Variants in CFAP44 observed in about 807,000 individuals in gnomAD.
CFAP44 encodes the protein cilia and flagella associated protein 44.
In CFAP44, 134 loss-of-function variants were observed where a neutral mutation model predicts 216.2. That is an observed-to-expected ratio of 0.62 (90% CI 0.54 to 0.72). The LOEUF (loss-of-function observed/expected upper bound fraction) is 0.72, where lower values mean the gene tolerates loss of function less well. CFAP44 is among the 30% of genes least tolerant of loss of function. The pLI is 0.00. For missense variants in CFAP44, 2,035 were observed against 2,182.1 expected (o/e 0.93, Z 1.34); for synonymous variants, 700 against 727.6 (o/e 0.96, Z 0.61).
intron 6 of CFAP44, among the ~76,000 whole-genome samples, chr3:113,414,186 T>C (rs1031341685): frequency 3.9e-5 from 6 of 152,198 alleles, no homozygotes; most frequent in Admixed American, 1.3e-4. Context: ...ATAGGAATGC[T>C]TGTGATTTTT....
At chr3:113,350,321 A>G (rs1490472989) in intron 22 of CFAP44, among the ~76,000 whole-genome samples, 1 of 151,852 alleles carries the variant, frequency 6.6e-6, no homozygotes, top group African/African-American at 2.4e-5. Context: ...AGAAAGTCAG[A>G]GAGAGAGAAA....
Position 113,305,116 on chromosome 3 carries a change from C to A in CFAP44, c.4795G>T (p.Glu1599Ter). The A allele has an allele frequency of 6.5e-7, 1 of 1,537,266 alleles. No homozygotes were observed. The highest frequency in any genetic ancestry group is 8.7e-7 in the Non-Finnish European group (1 of 1,146,910). Reference protein sequence around the residue: ...IVATNLNAAEEALEAYQREKQ... With the variant: ...IVATNLNAAE ...TCTCGCTGATAAGCCTCCAGGGCCT[C>A]CTCTGCTGCATTCAGATTAGTTGCC... is the stretch of plus-strand genomic sequence containing the variant. Residue 1599 changes from glutamate (E) to a stop codon, truncating the protein, a stop_gained, in exon 31 of 35, where the codon GAG becomes TAG. Coordinates refer to ENST00000393845, the MANE Select transcript of CFAP44 (RefSeq NM_001164496.2). LOFTEE classifies it high-confidence loss of function.
Position 113,401,246 on chromosome 3 carries a change from T to G in CFAP44, c.1368A>C (p.Ser456=). ...GAIWKLDLSF[S]NITQDPECLF... is the part of the protein sequence containing the mutation. ...AGAATAATAGGCAACTTACAATATT[T>G]GAAAAACTAAGGTCAAGCTTCCATA... The change falls in exon 11 of 35, where the codon TCA becomes TCC. Residue 456 remains serine, a synonymous_variant. Coordinates refer to ENST00000393845, the MANE Select transcript of CFAP44 (RefSeq NM_001164496.2). The G allele has an allele frequency of 6.3e-7, 1 of 1,586,258 alleles. No homozygotes were observed. Among genetic ancestry groups the G allele is most frequent in the Non-Finnish European group, 8.5e-7 (1 of 1,171,260 alleles).
intron 15 of CFAP44, among the ~76,000 whole-genome samples, chr3:113,385,388 T>C (rs1363914692): frequency 6.6e-6 from 1 of 152,162 alleles, no homozygotes; most frequent in Non-Finnish European, 1.5e-5. Flanking sequence ...CAGAAGATGA[T>C]AGCAATGTAG....
intron 6 of CFAP44, among the ~76,000 whole-genome samples, chr3:113,415,733 A>C (rs1394747265): frequency 4.0e-5 from 6 of 151,744 alleles, no homozygotes; most frequent in Non-Finnish European, 7.4e-5. Context: ...AGAGACTGTT[A>C]TGATTTCAAC....
rs577424560 is a variant in CFAP44, at chr3:113,316,812, T to C, written c.4517-8544A>G. On this transcript the variant is annotated intron_variant, in intron 28 of 34. Transcript: ENST00000393845. ...TGAATCTGGGAGGCGGAGGTTGCAG[T>C]GAGCCAAGATCACGCCACTGCACTC... Among the ~76,000 whole-genome samples, 3 of 148,922 alleles carry C rather than the reference T, an allele frequency of 2.0e-5. No homozygotes were observed. The East Asian group carries it at 5.9e-4, about 29-fold the overall frequency.
At chr3:113,434,998 G>A (rs1427076747) in intron 1 of CFAP44, 2 of 152,174 alleles carry the variant, frequency 1.3e-5, no homozygotes, top group Non-Finnish European at 2.9e-5. Context: ...ACATCATAAT[G>A]ATGCCTTCTT....
chr3:113,355,085 TG>T (rs1950481487), intron 22 of CFAP44, among the ~76,000 whole-genome samples: 1 of 152,094 alleles, frequency 6.6e-6, no homozygotes, highest in African/African-American at 2.4e-5. Flanking sequence ...GGGTGGGGGA[TG>T]GTGAAGGATT....
At chr3:113,292,470 G>A (rs1405605939) in intron 34 of CFAP44, among the ~76,000 whole-genome samples, 1 of 152,188 alleles carries the variant, frequency 6.6e-6, no homozygotes, top group African/African-American at 2.4e-5. Flanking sequence ...ATAAGTAGAT[G>A]CTCAATAACA....
At chr3:113,412,209 G>A (rs1316561981) in intron 6 of CFAP44, among the ~76,000 whole-genome samples, 1 of 152,160 alleles carries the variant, frequency 6.6e-6, no homozygotes, top group South Asian at 2.1e-4. Flanking sequence ...ATTAGGAAAA[G>A]AGGAACTCAA....
At chr3:113,381,258 CATT>C (rs113163403) in intron 15 of CFAP44, among the ~76,000 whole-genome samples, 198 bp from the exon 16 acceptor site, 6,300 of 151,976 alleles carry the variant, frequency 0.041, 424 homozygotes, top group African/African-American at 0.14. Flanking sequence ...ATTGTTATAT[CATT>C]ATTAAGTGAT....
intron 28 of CFAP44, among the ~76,000 whole-genome samples, chr3:113,324,690 G>T (rs1378848914): frequency 2.0e-5 from 3 of 152,122 alleles, no homozygotes; most frequent in African/African-American, 7.2e-5. Context: ...TCAGCTTTCA[G>T]CACTCACATA....
In CFAP44 at chr3:113,353,453, T is replaced by TACACACACAC. The variant is rs34714015; in HGVS notation, c.3065+5282_3065+5291dup. On this transcript the variant is annotated intron_variant, in intron 22 of 34. Coordinates refer to ENST00000393845, the MANE Select transcript of CFAP44 (RefSeq NM_001164496.2). ...GTTAGGATTCATATATATGTATGAATACACACACACACACACACACACACA... is the reference window on the plus strand; with the variant it reads ...GTTAGGATTCATATATATGTATGAATACACACACACACACACACACACACACACACACACA... Among the ~76,000 whole-genome samples, 79 of 141,830 alleles carry TACACACACAC rather than the reference T, an allele frequency of 5.6e-4. No homozygotes were observed. The East Asian group carries it at 5.8e-3, about 10-fold the overall frequency. The allele number at this position is 141,830 out of a possible 152,430, so 93.0% of individuals were successfully genotyped here. A position where few individuals can be genotyped will look rare whatever the true frequency, so the allele number is the denominator to read the frequency against.
At chr3:113,316,423 T>A (rs184379414) in intron 28 of CFAP44, among the ~76,000 whole-genome samples, 1 of 152,120 alleles carries the variant, frequency 6.6e-6, no homozygotes, top group Non-Finnish European at 1.5e-5. Context: ...GGAAAAAATG[T>A]AATCATAAAG....
chr3:113,344,756 C>A, intron 22 of CFAP44, 44 bp from the exon 23 acceptor site: 1 of 1,427,912 alleles, frequency 7.0e-7, no homozygotes, highest in South Asian at 1.4e-5. Flanking sequence ...CCATTTTGAT[C>A]ATTCTGCATA....
At chr3:113,344,478 G>C in intron 23 of CFAP44, 38 bp downstream of exon 23, 1 of 1,502,492 alleles carries the variant, frequency 6.7e-7, no homozygotes, top group African/African-American at 1.4e-5. Flanking sequence ...TGAAGTCTTA[G>C]TAAATAAGAA....
In CFAP44 at chr3:113,396,491, A is replaced by C. The variant is rs776401045; in HGVS notation, c.1779+27T>G. ...GCAATTTAACTATAAAATTTCAACA[A>C]GAAAAGAAAGGAAATGTACTGCTTA... is the stretch of plus-strand genomic sequence containing the variant. On this transcript the variant is annotated intron_variant, in intron 14 of 34. Transcript: ENST00000393845. 6 of 1,598,076 alleles carry C rather than the reference A, an allele frequency of 3.8e-6. No individual in the cohort carries two copies. In the African/African-American group the frequency reaches 6.7e-5, roughly 18 times the overall value.
chr3:113,422,209 T>G (rs899815662), intron 4 of CFAP44, among the ~76,000 whole-genome samples: 1 of 152,224 alleles, frequency 6.6e-6, no homozygotes, highest in African/African-American at 2.4e-5. Flanking sequence ...AATAATTTGT[T>G]GCTGAACATC....
chr3:113,439,517 T>C (rs892927876), intron 1 of CFAP44, among the ~76,000 whole-genome samples: 1 of 152,238 alleles, frequency 6.6e-6, no homozygotes, highest in Non-Finnish European at 1.5e-5. Context: ...TTTTTCATTA[T>C]TCCTTTAAAA....
Sources: gnomAD v4.1 joint callset for allele counts (sites outside exome capture counted in the v4.1 genomes callset) on GRCh38, gnomAD v4.1.1 for gene constraint, MANE v1.5 for transcripts, NCBI Gene and HGNC (gene_info 2026-07-23, HGNC 2026-07-21) for gene names.